Variants in RBBP6 observed in about 807,000 individuals in gnomAD.
The protein encoded by RBBP6 is RB binding protein 6, ubiquitin ligase.
A neutral mutation model predicts 167.7 loss-of-function variants in RBBP6; 25 were observed. The ratio of observed to expected loss-of-function variants is 0.15; its 90% CI spans 0.11 to 0.21. The LOEUF (loss-of-function observed/expected upper bound fraction) is 0.21. Ranked by LOEUF, RBBP6 falls within the 10% of genes least tolerant of loss-of-function variation. The pLI, the probability that RBBP6 is intolerant of heterozygous loss-of-function variation, is 1.00. For missense variants in RBBP6, 1,868 were observed against 2,134.2 expected (o/e 0.88, Z 2.46); for synonymous variants, 789 against 735.8 (o/e 1.07, Z -1.17).
At chr16:24,565,208 T>C (rs1485716477) in intron 14 of RBBP6, among the ~76,000 whole-genome samples, 1 of 152,156 alleles carries the variant, frequency 6.6e-6, no homozygotes, top group Non-Finnish European at 1.5e-5. Context: ...AATTTAAGAT[T>C]AAAGTTAACA....
At chr16:24,549,866 A>G (rs1898754416) in intron 3 of RBBP6, among the ~76,000 whole-genome samples, 1 of 152,012 alleles carries the variant, frequency 6.6e-6, no homozygotes. Context: ...CTTAACCAGG[A>G]TAACTGGTTT....
intron 11 of RBBP6, 28 bp downstream of exon 11, chr16:24,563,323 G>A (rs758289958): frequency 6.4e-7 from 1 of 1,573,780 alleles, no homozygotes; most frequent in Admixed American, 1.8e-5. Context: ...TTTAATTTGG[G>A]ATTTTTTTTA....
At chr16:24,541,170 T>C (rs1898476308) in intron 1 of RBBP6, among the ~76,000 whole-genome samples, 1 of 134,552 alleles carries the variant, frequency 7.4e-6, no homozygotes, top group Middle Eastern at 3.9e-3. Context: ...AAAGCTTGTT[T>C]GTTCAATCAG....
chr16:24,540,704 C>G lies in RBBP6; in HGVS notation c.78C>G (p.Leu26=). The change falls in exon 1 of 18, where the codon CTC becomes CTG. Residue 26 remains leucine (L), a synonymous_variant. Coordinates refer to ENST00000319715, the MANE Select transcript of RBBP6 (RefSeq NM_006910.5). ...CCTTTGATGGGCTCCACATCTCCCT[C>G]TGCGACTTAAAGAAGCAGATTATGG... ...TVTFDGLHIS[L]CDLKKQIMGR... is the part of the protein sequence containing the mutation. 1 of 1,614,190 alleles carries G rather than the reference C, an allele frequency of 6.2e-7. No individual in the cohort carries two copies. Among genetic ancestry groups the G allele is most frequent in the Non-Finnish European group, 8.5e-7 (1 of 1,180,044 alleles).
intron 2 of RBBP6, 145 bp from the exon 3 acceptor site, chr16:24,548,800 C>G (rs1426620673): frequency 6.1e-6 from 4 of 655,868 alleles, no homozygotes; most frequent in African/African-American, 5.5e-5. Context: ...GTAATTTATT[C>G]ATTCAGAAAT....
chr16:24,559,223 T>A (rs185731711), intron 7 of RBBP6, among the ~76,000 whole-genome samples: 6 of 152,348 alleles, frequency 3.9e-5, no homozygotes, highest in South Asian at 2.1e-4. Context: ...ACATTTCGCT[T>A]TATTTCTGGC....
At chr16:24,546,304 T>C in intron 2 of RBBP6, 42 bp downstream of exon 2, 1 of 1,487,386 alleles carries the variant, frequency 6.7e-7, no homozygotes, top group Non-Finnish European at 8.9e-7. Context: ...TAGACTTTTT[T>C]TAGTTTTTTT....
At chr16:24,552,467 CTACG>C (rs2141462381) in intron 3 of RBBP6, among the ~76,000 whole-genome samples, 1 of 151,958 alleles carries the variant, frequency 6.6e-6, no homozygotes, top group South Asian at 2.1e-4. Flanking sequence ...AACCCACTTA[CTACG>C]TAGGAAGCTG....
intron 4 of RBBP6, chr16:24,554,458 T>C (rs1246166301): frequency 6.6e-6 from 1 of 152,076 alleles, no homozygotes; most frequent in Non-Finnish European, 1.5e-5. Context: ...CCTATCTTGT[T>C]CTTGGCTTTG....
chr16:24,557,849 T>C (rs1474146647), intron 7 of RBBP6, among the ~76,000 whole-genome samples: 20 of 152,318 alleles, frequency 1.3e-4, no homozygotes, highest in African/African-American at 4.8e-5. Context: ...TAGAATGATA[T>C]TGAAAAGATC....
intron 7 of RBBP6, chr16:24,558,583 A>G: frequency 1.3e-6 from 1 of 790,730 alleles, no homozygotes; most frequent in Non-Finnish European, 1.5e-6. Flanking sequence ...GCATTGAGAT[A>G]AACACACTCT....
At chr16:24,548,490 G>GA (rs1284738433) in intron 2 of RBBP6, among the ~76,000 whole-genome samples, 1 of 152,048 alleles carries the variant, frequency 6.6e-6, no homozygotes, top group Non-Finnish European at 1.5e-5. Flanking sequence ...CTCCAGATTT[G>GA]AAAATTAGTT....
chr16:24,571,287 T>A lies in RBBP6; in HGVS notation c.4221T>A (p.Asp1407Glu). Residue 1407 changes from aspartate to glutamate, a missense_variant, in exon 18 of 18, where the codon GAT becomes GAA. This residue lies in a region of RBBP6 where 591 missense variants were observed against 540.5 expected (regional missense o/e 1.09). Coordinates refer to ENST00000319715, the MANE Select transcript of RBBP6 (RefSeq NM_006910.5). ...AAAAAGGGAAAACCAAAGATCGAGATTATTCAGTGTTGGAAAAGGAGAACC... is the reference window on the plus strand; with the variant it reads ...AAAAAGGGAAAACCAAAGATCGAGAATATTCAGTGTTGGAAAAGGAGAACC... ...SSEKGKTKDR[D>E]YSVLEKENPE... 1 of 1,613,488 alleles carries A rather than the reference T, an allele frequency of 6.2e-7. No individual in the cohort carries two copies. Among genetic ancestry groups the A allele is most frequent in the Non-Finnish European group, 8.5e-7 (1 of 1,179,884 alleles).
At chr16:24,542,503 G>C (rs1213960853) in intron 1 of RBBP6, among the ~76,000 whole-genome samples, 1 of 151,114 alleles carries the variant, frequency 6.6e-6, no homozygotes, top group Non-Finnish European at 1.5e-5. Context: ...CTGTCACCCA[G>C]GCTGGAGTGC....
At chr16:24,551,300 A>G (rs1463451570) in intron 3 of RBBP6, among the ~76,000 whole-genome samples, 1 of 151,798 alleles carries the variant, frequency 6.6e-6, no homozygotes, top group Non-Finnish European at 1.5e-5. Context: ...TAAGTGGCAG[A>G]CTTTTTTTTA....
intron 1 of RBBP6, among the ~76,000 whole-genome samples, chr16:24,541,187 A>C (rs1302113392): frequency 1.0e-5 from 1 of 97,524 alleles, no homozygotes; most frequent in Non-Finnish European, 2.0e-5. Context: ...TCAGCAAAAA[A>C]AAAAACAAAA....
In RBBP6 at chr16:24,539,710, T is replaced by C. The variant is rs1019701300; in HGVS notation, c.-917T>C. The C allele has an allele frequency of 6.6e-6, 1 of 152,176 alleles. No individual in the cohort carries two copies. Among genetic ancestry groups the C allele is most frequent in the South Asian group, 2.1e-4 (1 of 4,838 alleles). 9.4% of individuals were successfully genotyped at this position (152,176 alleles called of 1,614,324 possible). A position where few individuals can be genotyped will look rare whatever the true frequency, so the allele number is the denominator to read the frequency against. The stretch of plus-strand genomic sequence containing the variant: ...GAAGCCCTAGCCGCTGCCCAGCAGC[T>C]TGCGGGCGTGTTCTCGCGGTTCCGG... On this transcript the variant is annotated 5_prime_UTR_variant, in exon 1 of 18. Coordinates refer to ENST00000319715, the MANE Select transcript of RBBP6 (RefSeq NM_006910.5).
rs751556297 is a variant in RBBP6, at chr16:24,569,800, C to T, written c.3110C>T (p.Pro1037Leu). Residue 1037 changes from proline (P) to leucine (L), a missense_variant, in exon 17 of 18, where the codon CCT becomes CTT. By Grantham distance (98) the Pro-to-Leu change is moderately conservative. This residue lies in a region of RBBP6 where 673 missense variants were observed against 691.5 expected (regional missense o/e 0.97). Transcript: ENST00000319715. Reference sequence around the variant, plus strand: ...TCCAAAAAAGAAAATATTGTAAAACCTGCTAAAGGACCCCAAGAAAAAGTA... The same window carrying T: ...TCCAAAAAAGAAAATATTGTAAAACTTGCTAAAGGACCCCAAGAAAAAGTA... ...AVSKKENIVK[P>L]AKGPQEKVDG... 11 of 1,612,460 alleles carry T rather than the reference C, an allele frequency of 6.8e-6. No individual in the cohort carries two copies. Among genetic ancestry groups the T allele is most frequent in the Admixed American group, 5.0e-5 (3 of 59,632 alleles).
rs756889695 is a variant in RBBP6, at chr16:24,571,415, C to A, written c.4349C>A (p.Ala1450Asp). Residue 1450 changes from alanine (A) to aspartate (D), a missense_variant, in exon 18 of 18, where the codon GCT becomes GAT. Ala to Asp is a moderately radical substitution (Grantham distance 126, BLOSUM62 -2). This residue lies in a region of RBBP6 where 591 missense variants were observed against 540.5 expected (regional missense o/e 1.09). Transcript: ENST00000319715. ...AGTCTGTCTCAATCTTCCAAAGAGG[C>A]TAGAACGTCAGATAAACATGATTCC... ...FKSLSQSSKE[A>D]RTSDKHDSTR... The A allele has an allele frequency of 4.3e-6, 7 of 1,613,560 alleles. No individual in the cohort carries two copies. The South Asian group carries it at 4.4e-5, about 10-fold the overall frequency.
Sources: gnomAD v4.1 joint callset for allele counts (sites outside exome capture counted in the v4.1 genomes callset) on GRCh38, gnomAD v4.1.1 for gene constraint, gnomAD v4.1.1 regional missense constraint, MANE v1.5 for transcripts, NCBI Gene and HGNC (gene_info 2026-07-23, HGNC 2026-07-21) for gene names.